CYFIP2: variants seen among roughly 807,000 people sequenced by gnomAD.
The protein encoded by CYFIP2 is cytoplasmic FMR1-interacting protein 2.
Under a neutral mutation model 158.7 loss-of-function variants are expected in CYFIP2, and 29 were observed. The ratio of observed to expected loss-of-function variants is 0.18; its 90% CI spans 0.14 to 0.25. The LOEUF is 0.25. Ranked by LOEUF, CYFIP2 falls within the 10% of genes least tolerant of loss-of-function variation. The pLI, the probability that CYFIP2 is intolerant of heterozygous loss-of-function variation, is 1.00. For synonymous variants in CYFIP2, 585 were observed against 617.6 expected (o/e 0.95, Z 0.78); for missense variants, 852 against 1,639.5 (o/e 0.52, Z 8.29).
Position 157,311,594 on chromosome 5 carries a change from G to A in CYFIP2, c.993-70G>A. ...TGGCCACGTGGGCTGAGCACCAGGAGCAGCTAATGCCTGTTCCACCCAGGC... is the reference window on the plus strand; with the variant it reads ...TGGCCACGTGGGCTGAGCACCAGGAACAGCTAATGCCTGTTCCACCCAGGC... On this transcript the variant is annotated intron_variant, in intron 10 of 30. Transcript: ENST00000620254. This position sits in a 1 kb window ranked among gnomAD's most constrained non-coding sequence, Gnocchi z 4.7. The A allele has an allele frequency of 7.2e-7, 1 of 1,383,016 alleles. No individual in the cohort carries two copies. Among genetic ancestry groups the A allele is most frequent in the Non-Finnish European group, 9.9e-7 (1 of 1,006,524 alleles). 85.7% of individuals were successfully genotyped at this position (1,383,016 alleles called of 1,614,324 possible). A position where few individuals can be genotyped will look rare whatever the true frequency, so the allele number is the denominator to read the frequency against.
chr5:157,314,850 A>G, intron 12 of CYFIP2, 119 bp from the exon 13 acceptor site: 3 of 814,140 alleles, frequency 3.7e-6, no homozygotes, highest in Non-Finnish European at 3.9e-6. Context: ...ATGTTGTAGC[A>G]TGAATCAGTA....
intron 26 of CYFIP2, chr5:157,364,269 A>C (rs778462204): frequency 1.3e-5 from 2 of 150,690 alleles, no homozygotes; most frequent in African/African-American, 4.9e-5. Flanking sequence ...TCTTTTCATG[A>C]GGAACTGTGA....
chr5:157,388,775 T>G (rs560654896), intron 28 of CYFIP2, among the ~76,000 whole-genome samples: 3 of 152,306 alleles, frequency 2.0e-5, no homozygotes, highest in Non-Finnish European at 4.4e-5. Flanking sequence ...ATCTACCTCA[T>G]GGGATGGAAT....
chr5:157,324,314 T>C (rs73304147), intron 16 of CYFIP2, among the ~76,000 whole-genome samples: 2,979 of 152,330 alleles, frequency 0.02, 104 homozygotes, highest in African/African-American at 0.069. Context: ...GTGGCTAATT[T>C]GTCATAAAGT....
At chr5:157,338,820 C>T (rs745573286) in intron 21 of CYFIP2, among the ~76,000 whole-genome samples, 1 of 152,204 alleles carries the variant, frequency 6.6e-6, no homozygotes, top group East Asian at 1.9e-4. Context: ...CTCCCCTTCC[C>T]CTACCTTGCC....
chr5:157,379,918 TCTC>T (rs1230265017), intron 26 of CYFIP2: 1 of 152,076 alleles, frequency 6.6e-6, no homozygotes, highest in Non-Finnish European at 1.5e-5. Flanking sequence ...CTCAAATCAG[TCTC>T]CTTGAGCATT....
intron 6 of CYFIP2, 83 bp downstream of exon 6, chr5:157,300,979 GC>G (rs1351397715): frequency 4.7e-6 from 6 of 1,282,772 alleles, no homozygotes; most frequent in Non-Finnish European, 6.4e-6. Flanking sequence ...AGAGAATGGA[GC>G]CCCTCTCACC....
At chr5:157,347,899 C>T (rs905498024) in intron 23 of CYFIP2, among the ~76,000 whole-genome samples, 5 of 152,212 alleles carry the variant, frequency 3.3e-5, no homozygotes, top group African/African-American at 9.6e-5. Flanking sequence ...GACTCGGAGG[C>T]GGAGGCCAGG....
chr5:157,339,569 C>T (rs1762094864), intron 22 of CYFIP2, among the ~76,000 whole-genome samples: 1 of 152,208 alleles, frequency 6.6e-6, no homozygotes, highest in Non-Finnish European at 1.5e-5. Flanking sequence ...ACCTTCCTGC[C>T]TCTTGAGTCT....
chr5:157,383,218 C>T (rs771342314), intron 27 of CYFIP2, 47 bp from the exon 28 acceptor site: 1 of 1,564,134 alleles, frequency 6.4e-7, no homozygotes, highest in Non-Finnish European at 8.8e-7. Context: ...CCCCAGTTGC[C>T]CTGTGTTCCC....
intron 22 of CYFIP2, among the ~76,000 whole-genome samples, chr5:157,339,482 C>T (rs1033254880): frequency 1.3e-5 from 2 of 152,254 alleles, no homozygotes; most frequent in African/African-American, 4.8e-5. Context: ...AGAGCTCTTT[C>T]TACTGCTACT....
rs1247788342 is a variant in CYFIP2, at chr5:157,266,389, C to G, written c.-24+194C>G. 1 of 151,908 alleles carries G rather than the reference C, an allele frequency of 6.6e-6. No individual in the cohort carries two copies. The highest frequency in any genetic ancestry group is 1.9e-4 in the East Asian group (1 of 5,144). The allele number at this position is 151,908 out of a possible 1,614,324, so 9.4% of individuals were successfully genotyped here. On this transcript the variant is annotated intron_variant, in intron 1 of 30. Coordinates refer to ENST00000620254, the MANE Select transcript of CYFIP2 (RefSeq NM_001037333.3). The surrounding 1 kb of genome is among the most constrained non-coding windows in gnomAD (Gnocchi z 4.2). ...CCCTTTCCCCCTCGGACCCACCGTGCGTCCCGCGGCACGGACCCTCTGCCC... is the reference window on the plus strand; with the variant it reads ...CCCTTTCCCCCTCGGACCCACCGTGGGTCCCGCGGCACGGACCCTCTGCCC...
chr5:157,320,813 C>A lies in CYFIP2; in HGVS notation c.1671+11C>A. The A allele has an allele frequency of 1.3e-6, 2 of 1,560,042 alleles. No individual in the cohort carries two copies. The highest frequency in any genetic ancestry group is 1.2e-5 in the South Asian group (1 of 81,758). On this transcript the variant is annotated intron_variant, in intron 15 of 30. Transcript: ENST00000620254. ...CCATCCAGCACACAGGTAAGCGGCT[C>A]CAGGCACAGGCCAGCTGCGTTGACT...
chr5:157,295,930 A>G (rs1324415204), intron 4 of CYFIP2, among the ~76,000 whole-genome samples: 2 of 152,206 alleles, frequency 1.3e-5, no homozygotes, highest in African/African-American at 2.4e-5. Context: ...AGCAGGGGAA[A>G]TGGGCCTGGG....
intron 14 of CYFIP2, 49 bp downstream of exon 14, chr5:157,319,977 G>A (rs1760459296): frequency 6.3e-7 from 1 of 1,593,044 alleles, no homozygotes; most frequent in African/African-American, 1.3e-5. Flanking sequence ...AGCATGCCAG[G>A]TACCCATCAG....
chr5:157,348,939 GACTT>G (rs1465163993), intron 23 of CYFIP2, among the ~76,000 whole-genome samples: 1 of 142,212 alleles, frequency 7.0e-6, no homozygotes, highest in Non-Finnish European at 1.5e-5. Context: ...GACAGTGGAA[GACTT>G]CATCTCAAAA....
chr5:157,360,284 C>T lies in CYFIP2; in HGVS notation c.2820C>T (p.Leu940=). Residue 940 remains leucine, a splice_region_variant and synonymous_variant, in exon 25 of 31, where the codon CTC becomes CTT. Coordinates refer to ENST00000620254, the MANE Select transcript of CYFIP2 (RefSeq NM_001037333.3). ...CATCTGTACTCTTCTTTTGTCAGCTCCAAGGAACCATTCTCCAGTATGTGA... is the reference window on the plus strand; with the variant it reads ...CATCTGTACTCTTCTTTTGTCAGCTTCAAGGAACCATTCTCCAGTATGTGA... ...EELLKIVKSL[L]QGTILQYVKT... is the part of the protein sequence containing the mutation. The T allele has an allele frequency of 6.2e-7, 1 of 1,613,432 alleles. No individual in the cohort carries two copies. Among genetic ancestry groups the T allele is most frequent in the Non-Finnish European group, 8.5e-7 (1 of 1,179,546 alleles).
chr5:157,293,117 G>C (rs998465253), intron 3 of CYFIP2, among the ~76,000 whole-genome samples: 1 of 151,944 alleles, frequency 6.6e-6, no homozygotes, highest in Non-Finnish European at 1.5e-5. Flanking sequence ...ATGCAATGGC[G>C]CAATCTAAGC....
intron 21 of CYFIP2, among the ~76,000 whole-genome samples, chr5:157,337,971 A>G (rs1048969688): frequency 1.3e-5 from 2 of 152,150 alleles, no homozygotes; most frequent in African/African-American, 4.8e-5. Flanking sequence ...TCAGGGCCTC[A>G]ATTTCCCCTC....
Sources: gnomAD v4.1 joint callset for allele counts (sites outside exome capture counted in the v4.1 genomes callset) on GRCh38, gnomAD v4.1.1 for gene constraint, Gnocchi (gnomAD v3.1) non-coding constraint, MANE v1.5 for transcripts, NCBI Gene and HGNC (gene_info 2026-07-23, HGNC 2026-07-21) for gene names.